Variants in LAMA3 observed in about 807,000 individuals in gnomAD.
LAMA3 encodes the protein laminin subunit alpha 3.
In LAMA3, 281 loss-of-function variants were observed where a neutral mutation model predicts 402.0. The observed-to-expected ratio is 0.70, with a 90% confidence interval of 0.63 to 0.77. The LOEUF (loss-of-function observed/expected upper bound fraction) is 0.77. LAMA3 is among the 30% of genes least tolerant of loss of function. The probability of loss-of-function intolerance (pLI) is 0.00; values close to 1 mark genes in which losing one functional copy is unlikely to be tolerated. For synonymous variants in LAMA3, 1,431 were observed against 1,558.4 expected, an observed-to-expected ratio of 0.92 and a Z score of 1.93; for missense variants, 3,840 against 4,215.5, an observed-to-expected ratio of 0.91 and a Z score of 2.47.
chr18:23,929,827 T>C (rs907634974), intron 64 of LAMA3, among the ~76,000 whole-genome samples: 4 of 152,222 alleles, frequency 2.6e-5, no homozygotes, highest in African/African-American at 4.8e-5. Context: ...TTGTTTCCTC[T>C]GCCACGTGTA....
chr18:23,826,572 T>C (rs2063386318), intron 21 of LAMA3, 130 bp from the exon 22 acceptor site: 1 of 728,704 alleles, frequency 1.4e-6, no homozygotes, highest in Admixed American at 2.0e-5. Context: ...AACAAAGCAG[T>C]TGATATGGAG....
At position 23,747,958 on chromosome 18, in the gene LAMA3, T is replaced by G; in HGVS notation, c.463T>G (p.Tyr155Asp). The change falls in exon 3 of 75, where the codon TAT (tyrosine) becomes GAT (aspartate). Residue 155 changes from tyrosine to aspartate, a missense_variant. Around this residue, in one of 3 missense-constraint regions of LAMA3, gnomAD observed 2,109 missense variants for 2,376.0 expected, o/e 0.89. Transcript: ENST00000313654. The stretch of plus-strand genomic sequence containing the variant: ...GTTTTATCAGCTCTTCCATGTGGCC[T>G]ATATTTTAATCAAATTTGCAAATTC... Reference protein sequence around the residue: ...LDLGQLFHVAYILIKFANSPR... With the variant: ...LDLGQLFHVADILIKFANSPR... The G allele has an allele frequency of 6.3e-7, 1 of 1,595,734 alleles. No individual in the cohort carries two copies. The highest frequency in any genetic ancestry group is 8.6e-7 in the Non-Finnish European group (1 of 1,163,266).
At position 23,871,411 on chromosome 18, in the gene LAMA3, C is replaced by T. The variant is rs780866229; in HGVS notation, c.4768-20C>T. 3.1e-6 allele frequency: 5 copies of T among 1,610,096 alleles called. No individual in the cohort carries two copies. Among genetic ancestry groups the T allele is most frequent in the Non-Finnish European group, 3.4e-6 (4 of 1,176,332 alleles). On this transcript the variant is annotated intron_variant, in intron 37 of 74. Transcript: ENST00000313654. ...TGAGCCTGCCTAAGGAAGACCCTGACTTTCTGTTTCCATGTGTAGGGAAAC... is the reference window on the plus strand; with the variant it reads ...TGAGCCTGCCTAAGGAAGACCCTGATTTTCTGTTTCCATGTGTAGGGAAAC...
rs771006122 is a variant in LAMA3, at chr18:23,758,288, G to C, written c.948-108G>C. On this transcript the variant is annotated intron_variant, in intron 6 of 74. Transcript: ENST00000313654. ...TGTTCTCCTAATTCCTCAATGAATG[G>C]TGCCGTGGATGACCGTGATGACTCG... 2.0e-5 allele frequency: 15 copies of C among 760,050 alleles called. No individual in the cohort carries two copies. In the Admixed American group the frequency reaches 2.0e-4, roughly 10 times the overall value. 47.1% of individuals were successfully genotyped at this position (760,050 alleles called of 1,614,324 possible).
rs758511208 is a variant in LAMA3 at position 23,912,933 on chromosome 18, GGT to G, written c.7329+56_7329+57del. The G allele has an allele frequency of 3.9e-6, 6 of 1,547,414 alleles. No individual in the cohort carries two copies. The Admixed American group carries it at 1.0e-4, about 26-fold the overall frequency. On this transcript the variant is annotated intron_variant, in intron 56 of 74. Coordinates refer to ENST00000313654, the MANE Select transcript of LAMA3 (RefSeq NM_198129.4). ...GTTTTTGAAACAATGTTTTTCGAGA[GGT>G]GTGCTTTTGAGATGTGTGGCACGGC...
intron 62 of LAMA3, among the ~76,000 whole-genome samples, chr18:23,927,846 G>A (rs910763594): frequency 6.6e-6 from 1 of 151,910 alleles, no homozygotes; most frequent in Admixed American, 6.6e-5. Flanking sequence ...TATTGTGCAT[G>A]TTCTCTGTCT....
At position 23,901,244 on chromosome 18, in the gene LAMA3, G is replaced by T. The variant is rs142656138; in HGVS notation, c.6122G>T (p.Arg2041Leu). 6.2e-7 allele frequency: 1 copy of T among 1,614,110 alleles called. No individual in the cohort carries two copies. The highest frequency in any genetic ancestry group is 1.1e-5 in the South Asian group (1 of 91,082). Residue 2041 changes from arginine to leucine, a missense_variant, in exon 48 of 75, where the codon CGG (arginine) becomes CTG (leucine). This residue lies in a region of LAMA3 where 891 missense variants were observed against 857.5 expected (regional missense o/e 1.04). Transcript: ENST00000313654. Reference sequence around the variant, plus strand: ...GCCAAACTCAGTGACCTTCGTGCTCGGCTGCAGGAGGCAGCTGCCCAAGCC... The same window carrying T: ...GCCAAACTCAGTGACCTTCGTGCTCTGCTGCAGGAGGCAGCTGCCCAAGCC... ...YEAKLSDLRA[R>L]LQEAAAQAKQ...
chr18:23,759,181 T>C (rs2061917277), intron 7 of LAMA3, among the ~76,000 whole-genome samples: 1 of 151,454 alleles, frequency 6.6e-6, no homozygotes, highest in Non-Finnish European at 1.5e-5. Context: ...TACAAAAAAT[T>C]GAAAAATTAG....
intron 20 of LAMA3, among the ~76,000 whole-genome samples, 191 bp downstream of exon 20, chr18:23,822,566 T>C (rs2063307122): frequency 6.6e-6 from 1 of 152,250 alleles, no homozygotes; most frequent in African/African-American, 2.4e-5. Context: ...TAAGTTTTGC[T>C]ACTGAATTTG....
chr18:23,894,624 A>G (rs1359548359), intron 43 of LAMA3, among the ~76,000 whole-genome samples: 1 of 152,192 alleles, frequency 6.6e-6, no homozygotes, highest in Non-Finnish European at 1.5e-5. Context: ...TCTTATCACA[A>G]TGCCTGGTAA....
At chr18:23,909,627 G>A (rs1336095858) in intron 55 of LAMA3, among the ~76,000 whole-genome samples, 1 of 152,226 alleles carries the variant, frequency 6.6e-6, no homozygotes, top group Admixed American at 6.5e-5. Context: ...GAATGTGCCA[G>A]TGTGATACTG....
chr18:23,792,048 C>T (rs1025457635), intron 12 of LAMA3, among the ~76,000 whole-genome samples: 20 of 152,018 alleles, frequency 1.3e-4, no homozygotes, highest in Admixed American at 3.3e-4. Context: ...ATGACACTTT[C>T]GACTCTCACA....
At position 23,904,016 on chromosome 18, in the gene LAMA3, C is replaced by T. The variant is rs755370868; in HGVS notation, c.6402C>T (p.Gly2134=). The T allele has an allele frequency of 1.2e-6, 2 of 1,614,100 alleles. No individual in the cohort carries two copies. The part of the protein sequence containing the change: ...DKVRELSRSA[G]KTSLVEEAEK... Reference sequence around the variant, plus strand: ...TAAGAGAACTTTCCAGATCTGCTGGCAAAACATCCCTTGTGGAGGAGGCAG... The same window carrying T: ...TAAGAGAACTTTCCAGATCTGCTGGTAAAACATCCCTTGTGGAGGAGGCAG... The change falls in exon 50 of 75, where the codon GGC becomes GGT. Residue 2134 remains glycine, a synonymous_variant. Coordinates refer to ENST00000313654, the MANE Select transcript of LAMA3 (RefSeq NM_198129.4).
chr18:23,954,470 A>G, intron 74 of LAMA3, 33 bp from the exon 75 acceptor site: 2 of 1,587,832 alleles, frequency 1.3e-6, no homozygotes, highest in Non-Finnish European at 1.7e-6. Context: ...AGTATGAATT[A>G]TTTACTGAAT....
At chr18:23,692,862 A>C (rs985389338) in intron 1 of LAMA3, among the ~76,000 whole-genome samples, 9 of 152,096 alleles carry the variant, frequency 5.9e-5, no homozygotes, top group Non-Finnish European at 1.3e-4. Flanking sequence ...AATATATAAC[A>C]ATCCAGTTTG....
At chr18:23,908,533 C>CAAAAAA (rs111961159) in intron 54 of LAMA3, among the ~76,000 whole-genome samples, 10 of 56,872 alleles carry the variant, frequency 1.8e-4, no homozygotes, top group Non-Finnish European at 1.7e-4. Flanking sequence ...CCATCTCAAA[C>CAAAAAA]AAAAAAAAAA....
intron 7 of LAMA3, among the ~76,000 whole-genome samples, chr18:23,760,146 T>C (rs9946648): frequency 6.6e-6 from 1 of 152,050 alleles, no homozygotes; most frequent in Non-Finnish European, 1.5e-5. Context: ...CTCCAACACA[T>C]ACAAAAAAAA....
intron 69 of LAMA3, among the ~76,000 whole-genome samples, 155 bp downstream of exon 69, chr18:23,944,126 T>C (rs1251100474): frequency 6.6e-6 from 1 of 152,140 alleles, no homozygotes; most frequent in African/African-American, 2.4e-5. Context: ...ATCTCAGTAC[T>C]GGAGGCCGCG....
chr18:23,911,145 G>C (rs776300199), intron 55 of LAMA3, among the ~76,000 whole-genome samples: 1 of 137,104 alleles, frequency 7.3e-6, no homozygotes, highest in Admixed American at 7.6e-5. Context: ...CAAAAAGCAG[G>C]AGAGAATGCC....
Sources: allele counts gnomAD v4.1 joint callset (sites outside exome capture counted in the v4.1 genomes callset), GRCh38; gene constraint gnomAD v4.1.1; regional missense constraint gnomAD v4.1.1; transcripts MANE v1.5; gene names NCBI Gene and HGNC (gene_info 2026-07-23, HGNC 2026-07-21).